Variants in ME1 observed in about 807,000 individuals in gnomAD.
The protein encoded by ME1 is malic enzyme 1.
Under a neutral mutation model 66.4 loss-of-function variants are expected in ME1, and 74 were observed. The observed-to-expected ratio is 1.11, with a 90% confidence interval of 0.92 to 1.35. ME1 has a LOEUF of 1.35. Among genes scored for constraint, ME1 ranks in the 40% most tolerant of loss-of-function variants. The pLI is 0.00. For missense variants in ME1, 750 were observed against 694.1 expected (o/e 1.08, Z -0.90); for synonymous variants, 251 against 235.6 (o/e 1.07, Z -0.60).
intron 5 of ME1, among the ~76,000 whole-genome samples, chr6:83,323,997 A>G (rs1257345276): frequency 6.6e-6 from 1 of 152,176 alleles, no homozygotes; most frequent in East Asian, 1.9e-4. Context: ...CTCTCAGACC[A>G]CAGTGCAATC....
At chr6:83,246,713 T>A (rs927153672) in intron 7 of ME1, among the ~76,000 whole-genome samples, 1 of 152,108 alleles carries the variant, frequency 6.6e-6, no homozygotes, top group Non-Finnish European at 1.5e-5. Flanking sequence ...ACATCACTAT[T>A]TCTTCAGGAT....
intron 6 of ME1, among the ~76,000 whole-genome samples, chr6:83,283,523 G>A (rs1050362229): frequency 6.6e-6 from 1 of 151,876 alleles, no homozygotes; most frequent in African/African-American, 2.4e-5. Context: ...AACCACCATG[G>A]CACATGTATA....
chr6:83,368,360 C>A (rs1485998166), intron 3 of ME1, among the ~76,000 whole-genome samples: 1 of 144,086 alleles, frequency 6.9e-6, no homozygotes, highest in Non-Finnish European at 1.5e-5. Context: ...TTGCCACAAA[C>A]CTTCAATTTA....
intron 3 of ME1, among the ~76,000 whole-genome samples, chr6:83,353,241 C>T (rs796641141): frequency 7.9e-5 from 12 of 152,242 alleles, no homozygotes; most frequent in African/African-American, 2.6e-4. Context: ...CAAGACATTT[C>T]ATGGGTTGAT....
In ME1 at chr6:83,291,163, T is replaced by A. The variant is rs533844402; in HGVS notation, c.704+24147A>T. On this transcript the variant is annotated intron_variant, in intron 6 of 13. Transcript: ENST00000369705. ...ATGTGTGAATTTGATCCTGTCATTT[T>A]GATGTTAGCTGGTTATTTCACCTGT... Among the ~76,000 whole-genome samples the A allele has an allele frequency of 5.3e-5, 8 of 152,316 alleles. No homozygotes were observed. In the South Asian group the frequency reaches 1.7e-3, roughly 32 times the overall value.
At chr6:83,222,925 C>T (rs1353749580) in intron 12 of ME1, among the ~76,000 whole-genome samples, 1 of 152,162 alleles carries the variant, frequency 6.6e-6, no homozygotes, top group Non-Finnish European at 1.5e-5. Flanking sequence ...AGACAGAGCT[C>T]ACTTCTCCTA....
chr6:83,401,674 C>G (rs2128551094), intron 2 of ME1, among the ~76,000 whole-genome samples: 2 of 152,322 alleles, frequency 1.3e-5, no homozygotes, highest in East Asian at 3.9e-4. Flanking sequence ...ATCCACTGGG[C>G]TCATGAACAA....
intron 6 of ME1, among the ~76,000 whole-genome samples, chr6:83,282,778 T>C (rs567489359): frequency 6.6e-6 from 1 of 152,282 alleles, no homozygotes; most frequent in South Asian, 2.1e-4. Flanking sequence ...CAAAGGACTA[T>C]AAATCATTCT....
At chr6:83,358,868 T>G (rs1014532623) in intron 3 of ME1, among the ~76,000 whole-genome samples, 19 of 150,010 alleles carry the variant, frequency 1.3e-4, no homozygotes, top group African/African-American at 4.7e-4. Flanking sequence ...AAGATAATGT[T>G]TTTTTTTTTC....
At chr6:83,248,626 C>T (rs1169572266) in intron 7 of ME1, among the ~76,000 whole-genome samples, 1 of 151,904 alleles carries the variant, frequency 6.6e-6, no homozygotes, top group Non-Finnish European at 1.5e-5. Context: ...CCATGATGTT[C>T]TTGTGATAGT....
At chr6:83,221,028 A>G (rs1790082686) in intron 12 of ME1, among the ~76,000 whole-genome samples, 1 of 152,016 alleles carries the variant, frequency 6.6e-6, no homozygotes, top group South Asian at 2.1e-4. Context: ...GCGTATTGGC[A>G]TTGTGCCTGT....
intron 8 of ME1, among the ~76,000 whole-genome samples, chr6:83,239,251 A>G (rs1376742807): frequency 6.6e-6 from 1 of 152,086 alleles, no homozygotes; most frequent in Admixed American, 6.6e-5. Context: ...ATACACATAC[A>G]TTGGAAAGTT....
At chr6:83,411,541 C>T (rs142614101) in intron 1 of ME1, among the ~76,000 whole-genome samples, 1 of 152,224 alleles carries the variant, frequency 6.6e-6, no homozygotes, top group African/African-American at 2.4e-5. Context: ...CTAACAGAGA[C>T]ATATTCATTA....
At chr6:83,384,064 A>G (rs910119345) in intron 3 of ME1, among the ~76,000 whole-genome samples, 39 of 151,704 alleles carry the variant, frequency 2.6e-4, no homozygotes, top group African/African-American at 9.0e-4. Flanking sequence ...TCTTTATCCA[A>G]TCCACTGCTG....
chr6:83,418,272 G>A (rs1234842557), intron 1 of ME1, among the ~76,000 whole-genome samples: 1 of 152,206 alleles, frequency 6.6e-6, no homozygotes, highest in Non-Finnish European at 1.5e-5. Context: ...AGGCTGACAA[G>A]TCCAAAGACC....
intron 6 of ME1, among the ~76,000 whole-genome samples, chr6:83,280,091 A>C (rs1172046170): frequency 6.6e-6 from 1 of 152,198 alleles, no homozygotes; most frequent in Non-Finnish European, 1.5e-5. Flanking sequence ...TTGTCAGTAG[A>C]CCTGCCTTGC....
intron 11 of ME1, among the ~76,000 whole-genome samples, chr6:83,225,828 ATATATATATC>A (rs914383552): frequency 4.5e-5 from 6 of 133,822 alleles, no homozygotes; most frequent in African/African-American, 1.8e-4. Flanking sequence ...ATATATATAT[ATATATATATC>A]TCCCCCACTC....
chr6:83,259,807 T>C (rs1307959435), intron 6 of ME1, among the ~76,000 whole-genome samples: 1 of 151,970 alleles, frequency 6.6e-6, no homozygotes, highest in African/African-American at 2.4e-5. Flanking sequence ...CCACTCCTTT[T>C]ATTATATTTT....
At chr6:83,300,296 T>C (rs1388071048) in intron 6 of ME1, among the ~76,000 whole-genome samples, 2 of 152,096 alleles carry the variant, frequency 1.3e-5, no homozygotes, top group Non-Finnish European at 2.9e-5. Context: ...GAAAATAACC[T>C]AGGAAATATC....
Sources: gnomAD v4.1 joint callset for allele counts (sites outside exome capture counted in the v4.1 genomes callset) on GRCh38, gnomAD v4.1.1 for gene constraint, MANE v1.5 for transcripts, NCBI Gene and HGNC (gene_info 2026-07-23, HGNC 2026-07-21) for gene names.